The following ST6GALNAC2 variants were observed in gnomAD, a reference collection of about 807,000 sequenced individuals.
ST6GALNAC2 encodes the protein ST6 N-acetylgalactosaminide alpha-2,6-sialyltransferase 2.
In ST6GALNAC2, 42 loss-of-function variants were observed where a neutral mutation model predicts 38.7. That is an observed-to-expected ratio of 1.09 (90% CI 0.85 to 1.40). ST6GALNAC2 has a LOEUF of 1.40. Ranked by LOEUF, ST6GALNAC2 falls within the 40% of genes most tolerant of loss-of-function variation. The pLI, the probability that ST6GALNAC2 is intolerant of heterozygous loss-of-function variation, is 0.00. For synonymous variants in ST6GALNAC2, 233 were observed against 209.0 expected (o/e 1.11, Z -0.99); for missense variants, 506 against 481.7 (o/e 1.05, Z -0.47).
intron 2 of ST6GALNAC2, among the ~76,000 whole-genome samples, chr17:76,576,536 G>A (rs1306583356): frequency 2.0e-5 from 3 of 152,162 alleles, no homozygotes; most frequent in Admixed American, 6.5e-5. Flanking sequence ...CACTAGGGCA[G>A]GTGAACCCAT....
Position 76,570,534 on chromosome 17 carries a change from C to T in ST6GALNAC2, c.773+31G>A, listed in dbSNP as rs144660936. On this transcript the variant is annotated intron_variant, in intron 6 of 8. Transcript: ENST00000225276. ...CACAGTGTCCCTTGCCCCTCTGCCACGCCCCACACCACCACGGCCTGGCTG... is the reference window on the plus strand; with the variant it reads ...CACAGTGTCCCTTGCCCCTCTGCCATGCCCCACACCACCACGGCCTGGCTG... The T allele has an allele frequency of 2.2e-4, 340 of 1,511,322 alleles. 5 individuals are homozygous for T. In the African/African-American group the frequency reaches 3.5e-3, roughly 16 times the overall value. The allele number at this position is 1,511,322 out of a possible 1,614,324, so 93.6% of individuals were successfully genotyped here. A position where few individuals can be genotyped will look rare whatever the true frequency, so the allele number is the denominator to read the frequency against.
chr17:76,566,681 C>G (rs1447122962), intron 8 of ST6GALNAC2, among the ~76,000 whole-genome samples: 2 of 136,738 alleles, frequency 1.5e-5, no homozygotes, highest in African/African-American at 5.6e-5. Context: ...CATGGTAAGA[C>G]CCTGTCTCTA....
At chr17:76,584,740 G>C (rs924759173) in intron 1 of ST6GALNAC2, among the ~76,000 whole-genome samples, 1 of 152,222 alleles carries the variant, frequency 6.6e-6, no homozygotes, top group Non-Finnish European at 1.5e-5. Flanking sequence ...AGCATCTGTG[G>C]AGACCAGATA....
Position 76,583,075 on chromosome 17 carries a change from T to A in ST6GALNAC2, c.125+2609A>T, listed in dbSNP as rs181909886. Among the ~76,000 whole-genome samples the A allele has an allele frequency of 6.6e-5, 10 of 152,288 alleles. No homozygotes were observed. In the East Asian group the frequency reaches 1.9e-3, roughly 29 times the overall value. ...TGAAACAATTTTAATTTGTGTTTTT[T>A]AAAAAATGTATTACTCGGGGCTGGG... On this transcript the variant is annotated intron_variant, in intron 1 of 8. Transcript: ENST00000225276.
At chr17:76,569,244 G>T in intron 6 of ST6GALNAC2, 1 of 368,314 alleles carries the variant, frequency 2.7e-6, no homozygotes, top group Non-Finnish European at 4.7e-6. Context: ...GCACATAGGG[G>T]GTGATATAGG....
At position 76,572,689 on chromosome 17, in the gene ST6GALNAC2, T is replaced by C. The variant is rs776537665; in HGVS notation, c.617A>G (p.Asn206Ser). ...FYGFTVNTMKNSLVSYWNLGF... is the reference protein window; with the variant it reads ...FYGFTVNTMKSSLVSYWNLGF... ...CAGATTCCAGTAGGAGACGAGGGAG[T>C]TCTTCATCGTGTTCACAGTGAAACC... Residue 206 changes from asparagine (N) to serine (S), a missense_variant, in exon 5 of 9, where the codon AAC becomes AGC. Asn to Ser is a conservative substitution (Grantham distance 46). Transcript: ENST00000225276. 6.2e-7 allele frequency: 1 copy of C among 1,613,798 alleles called. No individual in the cohort carries two copies. Among genetic ancestry groups the C allele is most frequent in the Admixed American group, 1.7e-5 (1 of 59,980 alleles).
chr17:76,578,189 C>A (rs549548731), intron 2 of ST6GALNAC2, among the ~76,000 whole-genome samples: 1 of 152,260 alleles, frequency 6.6e-6, no homozygotes, highest in East Asian at 1.9e-4. Context: ...TCCAGGACTA[C>A]CTCTTACTAC....
At chr17:76,578,089 A>G (rs1231450940) in intron 2 of ST6GALNAC2, among the ~76,000 whole-genome samples, 2 of 152,132 alleles carry the variant, frequency 1.3e-5, no homozygotes, top group Admixed American at 6.6e-5. Flanking sequence ...TCGGCAGCAC[A>G]TGGAGCCAGG....
At chr17:76,576,842 T>A (rs938903890) in intron 2 of ST6GALNAC2, among the ~76,000 whole-genome samples, 6 of 151,526 alleles carry the variant, frequency 4.0e-5, no homozygotes, top group African/African-American at 1.2e-4. Context: ...TGGTGGCACA[T>A]CCCTGTAATT....
At chr17:76,574,747 G>A (rs887231023) in intron 2 of ST6GALNAC2, among the ~76,000 whole-genome samples, 2 of 151,858 alleles carry the variant, frequency 1.3e-5, no homozygotes, top group Non-Finnish European at 2.9e-5. Flanking sequence ...CCCCATCTCG[G>A]CTCACTGCAA....
intron 2 of ST6GALNAC2, among the ~76,000 whole-genome samples, chr17:76,576,433 T>C (rs1354171972): frequency 6.6e-6 from 1 of 152,124 alleles, no homozygotes; most frequent in South Asian, 2.1e-4. Flanking sequence ...GAAGTGGGTG[T>C]GGAAGTGGGT....
Position 76,566,132 on chromosome 17 carries a change from G to A in ST6GALNAC2, c.1097C>T (p.Ala366Val). 1 of 1,614,082 alleles carries A rather than the reference G, an allele frequency of 6.2e-7. No individual in the cohort carries two copies. The highest frequency in any genetic ancestry group is 8.5e-7 in the Non-Finnish European group (1 of 1,180,004). The change falls in exon 9 of 9, where the codon GCC (alanine) becomes GTC (valine). Residue 366 changes from alanine (A) to valine (V), a missense_variant. Ala to Val is a moderately conservative substitution (Grantham distance 64, BLOSUM62 0). Coordinates refer to ENST00000225276, the MANE Select transcript of ST6GALNAC2 (RefSeq NM_006456.3). ...GCGCTGGTACAGCTGAAGGATGCCG[G>A]CCTTGTGCAGGTCCCTCCACAGGGC... ...EAALWRDLHK[A>V]GILQLYQR
In ST6GALNAC2 at chr17:76,573,159, T is replaced by TCCCAACCCC; in HGVS notation, c.530+35_530+36insGGGGTTGGG. On this transcript the variant is annotated intron_variant, in intron 4 of 8. Transcript: ENST00000225276. This position sits in a 1 kb window ranked among gnomAD's most constrained non-coding sequence, Gnocchi z 5.1. ...GACACCCCCACCCTCCAGGCAACTC[T>TCCCAACCCC]CCCTCCCGCCCCTCCCCAGCTCCTA... 2 of 1,530,320 alleles carry TCCCAACCCC rather than the reference T, an allele frequency of 1.3e-6. No homozygotes were observed. The highest frequency in any genetic ancestry group is 1.8e-6 in the Non-Finnish European group (2 of 1,120,828). 94.8% of individuals were successfully genotyped at this position (1,530,320 alleles called of 1,614,324 possible).
chr17:76,583,959 C>T (rs1296739160), intron 1 of ST6GALNAC2, among the ~76,000 whole-genome samples: 1 of 148,084 alleles, frequency 6.8e-6, no homozygotes, highest in East Asian at 2.0e-4. Context: ...AGGTGCCCGC[C>T]ACCACGCCCA....
intron 6 of ST6GALNAC2, chr17:76,570,248 G>A: frequency 3.1e-6 from 1 of 320,346 alleles, no homozygotes; most frequent in Non-Finnish European, 6.0e-6. Flanking sequence ...TGGGCAGGGA[G>A]AGTGCAGCCC....
At position 76,585,858 on chromosome 17, in the gene ST6GALNAC2, G is replaced by C; in HGVS notation, c.-50C>G. On this transcript the variant is annotated 5_prime_UTR_variant, in exon 1 of 9. Transcript: ENST00000225276. ...GTCCGCTGACGTCCCAGGCAGAAGG[G>C]AGAGAACCGGGTGGGCCGGGTGGCA... The C allele has an allele frequency of 6.7e-7, 1 of 1,495,736 alleles. No individual in the cohort carries two copies. Among genetic ancestry groups the C allele is most frequent in the East Asian group, 2.8e-5 (1 of 36,040 alleles). The allele number at this position is 1,495,736 out of a possible 1,614,324, so 92.7% of individuals were successfully genotyped here. A position where few individuals can be genotyped will look rare whatever the true frequency, so the allele number is the denominator to read the frequency against.
chr17:76,566,138 T>A lies in ST6GALNAC2; in HGVS notation c.1091A>T (p.His364Leu). Residue 364 changes from histidine to leucine, a missense_variant, in exon 9 of 9, where the codon CAC becomes CTC. Physicochemically the swap from His to Leu is moderately conservative, Grantham distance 99. Coordinates refer to ENST00000225276, the MANE Select transcript of ST6GALNAC2 (RefSeq NM_006456.3). ...GTACAGCTGAAGGATGCCGGCCTTG[T>A]GCAGGTCCCTCCACAGGGCAGCTTC... ...SLEAALWRDL[H>L]KAGILQLYQR The A allele has an allele frequency of 1.2e-6, 2 of 1,614,126 alleles. No individual in the cohort carries two copies. The highest frequency in any genetic ancestry group is 1.7e-6 in the Non-Finnish European group (2 of 1,180,024).
intron 1 of ST6GALNAC2, among the ~76,000 whole-genome samples, chr17:76,581,229 C>A (rs2075471324): frequency 1.3e-5 from 2 of 152,296 alleles, no homozygotes; most frequent in South Asian, 4.1e-4. Context: ...GCCCCTTGGA[C>A]TGTCCACTTG....
intron 7 of ST6GALNAC2, chr17:76,568,448 G>C (rs2075311431): frequency 2.0e-6 from 1 of 499,030 alleles, no homozygotes; most frequent in African/African-American, 2.0e-5. Context: ...CCAGCTCCCA[G>C]TCTGTGCCTT....
Sources: gnomAD v4.1 joint callset for allele counts (sites outside exome capture counted in the v4.1 genomes callset) on GRCh38, gnomAD v4.1.1 for gene constraint, Gnocchi (gnomAD v3.1) non-coding constraint, MANE v1.5 for transcripts, NCBI Gene and HGNC (gene_info 2026-07-23, HGNC 2026-07-21) for gene names.